ST8SIA5: variants seen among roughly 807,000 people sequenced by gnomAD.
ST8SIA5 encodes ST8 alpha-N-acetyl-neuraminide alpha-2,8-sialyltransferase 5, also known as alpha-2,8-sialyltransferase 8E.
ST8SIA5 carries 24 observed loss-of-function variants against 40.2 expected under a neutral mutation model. That is an observed-to-expected ratio of 0.60 (90% CI 0.43 to 0.84). The LOEUF (loss-of-function observed/expected upper bound fraction) is 0.84, where lower values mean the gene tolerates loss of function less well. Among genes scored for constraint, ST8SIA5 ranks in the 40% least tolerant of loss-of-function variants. The pLI, the probability that ST8SIA5 is intolerant of heterozygous loss-of-function variation, is 0.00. For missense variants in ST8SIA5, 465 were observed against 498.5 expected (o/e 0.93, Z 0.64); for synonymous variants, 198 against 201.8 (o/e 0.98, Z 0.16).
intron 1 of ST8SIA5, chr18:46,730,284 G>A (rs1222953363): frequency 4.1e-6 from 4 of 980,970 alleles, no homozygotes; most frequent in Admixed American, 6.2e-5. Context: ...GTGACTCTCA[G>A]CATTGAACCT....
chr18:46,733,454 T>TA (rs1242671055), intron 1 of ST8SIA5, among the ~76,000 whole-genome samples: 1 of 152,172 alleles, frequency 6.6e-6, no homozygotes, highest in Non-Finnish European at 1.5e-5. Flanking sequence ...CCAGGCCACA[T>TA]ACTGAGGCTC....
At chr18:46,688,737 C>T (rs763735648) in intron 4 of ST8SIA5, 38 bp downstream of exon 4, 2 of 1,586,500 alleles carry the variant, frequency 1.3e-6, no homozygotes, top group Non-Finnish European at 1.7e-6. Context: ...GGATTGGCTC[C>T]CTCGCCCCAC....
At chr18:46,721,299 G>C in intron 1 of ST8SIA5, 1 of 1,438,920 alleles carries the variant, frequency 6.9e-7, no homozygotes, top group South Asian at 1.2e-5. Context: ...AATGTGGCAG[G>C]GGCTGCAGGG....
chr18:46,745,445 G>A (rs907404463), intron 1 of ST8SIA5, among the ~76,000 whole-genome samples: 2 of 152,144 alleles, frequency 1.3e-5, no homozygotes, highest in Admixed American at 6.5e-5. Context: ...ACACCTCTAC[G>A]CAAATAAACT....
At position 46,672,352 on chromosome 18, in the gene ST8SIA5, C is replaced by T. The variant is rs1034238327; in HGVS notation, c.*7690G>A. 2.0e-5 allele frequency: 3 copies of T among 152,172 alleles called. No individual in the cohort carries two copies. Among genetic ancestry groups the T allele is most frequent in the Non-Finnish European group, 2.9e-5 (2 of 68,044 alleles). 9.4% of individuals were successfully genotyped at this position (152,172 alleles called of 1,614,324 possible). A position where few individuals can be genotyped will look rare whatever the true frequency, so the allele number is the denominator to read the frequency against. On this transcript the variant is annotated 3_prime_UTR_variant, in exon 7 of 7. Coordinates refer to ENST00000315087, the MANE Select transcript of ST8SIA5 (RefSeq NM_013305.6). ...CCCAGGCCTGCTGAATCAGATCCTCCGGGAAGTAAAGGACCTGGCTTGGGG... is the reference window on the plus strand; with the variant it reads ...CCCAGGCCTGCTGAATCAGATCCTCTGGGAAGTAAAGGACCTGGCTTGGGG...
chr18:46,694,272 T>C (rs2039534957), intron 2 of ST8SIA5, among the ~76,000 whole-genome samples: 1 of 152,208 alleles, frequency 6.6e-6, no homozygotes, highest in Non-Finnish European at 1.5e-5. Flanking sequence ...TCAAATATAG[T>C]TGGGGAAAGC....
Position 46,750,628 on chromosome 18 carries a change from C to T in ST8SIA5, c.131+5750G>A, listed in dbSNP as rs115314936. Among the ~76,000 whole-genome samples, 892 of 152,278 alleles carry T rather than the reference C, an allele frequency of 5.9e-3. 3 individuals carry two copies. Among genetic ancestry groups the T allele is most frequent in the Middle Eastern group, 0.01 (3 of 294 alleles). ...GCAGACACCTCAATCCTATCCCACC[C>T]GAGCCCTCTTCCTGGCATGCCACAG... On this transcript the variant is annotated intron_variant, in intron 1 of 6. Transcript: ENST00000315087.
intron 1 of ST8SIA5, among the ~76,000 whole-genome samples, chr18:46,725,972 A>AAATATATATATATATATATATCCTGG (rs59660372): frequency 3.4e-5 from 1 of 29,096 alleles, no homozygotes; most frequent in African/African-American, 1.5e-4. Context: ...AAAAAAAAAA[A>AAATATATATATATATATATATCCTGG]ATATATATAT....
chr18:46,731,313 T>C (rs2039982738), intron 1 of ST8SIA5, among the ~76,000 whole-genome samples: 1 of 152,224 alleles, frequency 6.6e-6, no homozygotes, highest in Non-Finnish European at 1.5e-5. Context: ...GGAGGGATGG[T>C]AGCGACGATG....
At chr18:46,756,345 C>A in intron 1 of ST8SIA5, 33 bp downstream of exon 1, 1 of 1,604,034 alleles carries the variant, frequency 6.2e-7, no homozygotes. Context: ...CGGCCGGCTC[C>A]GCGCATCCCG....
chr18:46,690,665 G>C (rs1230582926), intron 3 of ST8SIA5, among the ~76,000 whole-genome samples: 1 of 148,208 alleles, frequency 6.7e-6, no homozygotes, highest in Non-Finnish European at 1.5e-5. Context: ...CCAGGCTGGA[G>C]TGCATTGGCA....
At chr18:46,695,214 G>A (rs2039546660) in intron 2 of ST8SIA5, among the ~76,000 whole-genome samples, 1 of 151,848 alleles carries the variant, frequency 6.6e-6, no homozygotes, top group South Asian at 2.1e-4. Flanking sequence ...GTAGAGGCAT[G>A]TCCTGTGTTT....
chr18:46,740,887 C>T (rs753300139), intron 1 of ST8SIA5, among the ~76,000 whole-genome samples: 12 of 152,078 alleles, frequency 7.9e-5, no homozygotes, highest in Non-Finnish European at 1.5e-4. Flanking sequence ...AATGCAATGT[C>T]GTTCTGAGTT....
At chr18:46,692,339 T>G in intron 2 of ST8SIA5, 84 bp from the exon 3 acceptor site, 1 of 1,240,532 alleles carries the variant, frequency 8.1e-7, no homozygotes. Context: ...CCTCCTGATC[T>G]CCCATAGGCC....
chr18:46,704,063 C>G (rs1054442061), intron 2 of ST8SIA5, among the ~76,000 whole-genome samples: 1 of 152,156 alleles, frequency 6.6e-6, no homozygotes, highest in Non-Finnish European at 1.5e-5. Context: ...AAAGCCACAT[C>G]GTCACCTCTG....
chr18:46,710,983 A>G (rs772012607), intron 1 of ST8SIA5, among the ~76,000 whole-genome samples: 1 of 152,190 alleles, frequency 6.6e-6, no homozygotes, highest in Non-Finnish European at 1.5e-5. Context: ...AATCTCCACT[A>G]GCCCTAGGTG....
chr18:46,739,367 C>A (rs552091926), intron 1 of ST8SIA5, among the ~76,000 whole-genome samples: 2 of 152,284 alleles, frequency 1.3e-5, no homozygotes, highest in Non-Finnish European at 2.9e-5. Flanking sequence ...CATAGCGAAA[C>A]CCCGACTCTA....
rs1456142903 is a variant in ST8SIA5, at chr18:46,678,092, C to T, written c.*1950G>A. On this transcript the variant is annotated 3_prime_UTR_variant, in exon 7 of 7. Transcript: ENST00000315087. ...CTGGGAGAAATAGGCAGAGCTCAAG[C>T]AAGTAATAACCATCCACTGTCCTTT... The T allele has an allele frequency of 6.6e-6, 1 of 152,236 alleles. No individual in the cohort carries two copies. Among genetic ancestry groups the T allele is most frequent in the Non-Finnish European group, 1.5e-5 (1 of 68,048 alleles). 9.4% of individuals were successfully genotyped at this position (152,236 alleles called of 1,614,324 possible).
intron 1 of ST8SIA5, among the ~76,000 whole-genome samples, chr18:46,724,672 T>C (rs1308643368): frequency 6.6e-6 from 1 of 152,116 alleles, no homozygotes; most frequent in African/African-American, 2.4e-5. Context: ...AAACGCCTCA[T>C]GCAGAAAATC....
Sources: gnomAD v4.1 joint callset for allele counts (sites outside exome capture counted in the v4.1 genomes callset) on GRCh38, gnomAD v4.1.1 for gene constraint, MANE v1.5 for transcripts, NCBI Gene and HGNC (gene_info 2026-07-23, HGNC 2026-07-21) for gene names.